The following GPHN variants were observed in gnomAD, a reference collection of about 807,000 sequenced individuals.
The protein encoded by GPHN is gephyrin.
GPHN carries 17 observed loss-of-function variants against 95.5 expected under a neutral mutation model. That is an observed-to-expected ratio of 0.18 (90% confidence interval 0.12 to 0.27). GPHN has a LOEUF of 0.27. GPHN is among the 10% of genes least tolerant of loss of function. The probability of loss-of-function intolerance (pLI) is 1.00; values close to 1 mark genes in which losing one functional copy is unlikely to be tolerated. For synonymous variants in GPHN, 320 were observed against 322.5 expected (o/e 0.99, Z 0.08); for missense variants, 660 against 978.1 (o/e 0.67, Z 4.34).
chr14:67,001,668 A>G (rs1160244868), intron 9 of GPHN, among the ~76,000 whole-genome samples: 3 of 151,740 alleles, frequency 2.0e-5, no homozygotes, highest in South Asian at 2.1e-4. Context: ...TCGGATACAT[A>G]AATGAACTTT....
chr14:67,732,718 G>A, the GPHN span, among the ~76,000 whole-genome samples: 2 of 151,800 alleles, frequency 1.3e-5, no homozygotes, highest in African/African-American at 4.8e-5. Flanking sequence ...CTGGGATTAC[G>A]GGTGCCCACC....
At chr14:67,254,147 T>G in the GPHN span, 1 of 150,946 alleles carries the variant, frequency 6.6e-6, no homozygotes, top group East Asian at 1.9e-4. Flanking sequence ...ATTTGTTTAC[T>G]TATCTGATAT....
chr14:67,122,838 C>T (rs117624645), intron 17 of GPHN, among the ~76,000 whole-genome samples: 1,828 of 152,206 alleles, frequency 0.012, 16 homozygotes, highest in Non-Finnish European at 0.018. Flanking sequence ...ACCTGTTTCT[C>T]CAGGCTTTAC....
intron 9 of GPHN, among the ~76,000 whole-genome samples, chr14:67,010,973 T>C (rs894825508): frequency 1.3e-5 from 2 of 152,214 alleles, no homozygotes; most frequent in African/African-American, 4.8e-5. Flanking sequence ...ATTTAGATGA[T>C]ATCAAATTCT....
chr14:66,577,184 A>G (rs1356558858), intron 1 of GPHN, among the ~76,000 whole-genome samples: 4 of 152,188 alleles, frequency 2.6e-5, no homozygotes, highest in Admixed American at 6.5e-5. Context: ...TTACTAGTCT[A>G]TAGACCACAC....
At position 66,529,845 on chromosome 14, in the gene GPHN, A is replaced by T. The variant is rs141523944; in HGVS notation, c.64+21254A>T. On this transcript the variant is annotated intron_variant, in intron 1 of 22. Transcript: ENST00000478722. ...ACCTGTTCCTTCCTCTGGAAGCTTC[A>T]TCCCAGAGGGGCACCTGCCAGATGC... 3.0e-3 allele frequency among the ~76,000 whole-genome samples: 456 copies of T among 152,198 alleles called. 3 individuals are homozygous for T. The highest frequency in any genetic ancestry group is 0.011 in the African/African-American group (438 of 41,546).
chr14:67,570,318 G>A, the GPHN span: 3 of 1,087,538 alleles, frequency 2.8e-6, no homozygotes, highest in Non-Finnish European at 3.4e-6. Flanking sequence ...GGGCAGTGGG[G>A]CTCCTTCTAG....
At chr14:67,303,697 C>A in the GPHN span, 1 of 751,288 alleles carries the variant, frequency 1.3e-6, no homozygotes, top group South Asian at 1.7e-5. Context: ...TTCCTGTACT[C>A]AAATAAATTC....
intron 4 of GPHN, 21 bp from the exon 5 acceptor site, chr14:66,879,917 GC>G (rs930210572): frequency 2.7e-6 from 4 of 1,483,354 alleles, no homozygotes; most frequent in African/African-American, 2.8e-5. Flanking sequence ...CACTCAGTCT[GC>G]TATTTAATCT....
At chr14:67,342,557 C>CTTTTTTTT in the GPHN span, among the ~76,000 whole-genome samples, 4 of 136,982 alleles carry the variant, frequency 2.9e-5, no homozygotes, top group East Asian at 4.2e-4. Context: ...ACGAATTATC[C>CTTTTTTTT]TTTTTTTTTT....
intron 8 of GPHN, among the ~76,000 whole-genome samples, chr14:66,962,408 G>C (rs377690486): frequency 6.6e-6 from 1 of 150,876 alleles, no homozygotes; most frequent in African/African-American, 2.4e-5. Flanking sequence ...TATGTTTACT[G>C]ATATTAACTG....
At chr14:67,133,906 C>T (rs2079879035) in intron 17 of GPHN, among the ~76,000 whole-genome samples, 4 of 152,090 alleles carry the variant, frequency 2.6e-5, no homozygotes, top group Admixed American at 2.0e-4. Context: ...GAAAAGATAC[C>T]GTTATTCATT....
chr14:67,536,447 C>T, the GPHN span, among the ~76,000 whole-genome samples: 1 of 151,884 alleles, frequency 6.6e-6, no homozygotes, highest in African/African-American at 2.4e-5. Context: ...TACTCACACT[C>T]AGGGAATGAA....
chr14:67,385,346 C>CT, the GPHN span: 2 of 151,178 alleles, frequency 1.3e-5, no homozygotes, highest in Non-Finnish European at 2.9e-5. Context: ...AACCCTGGCA[C>CT]TTAAGGGGCC....
rs977882542 is a variant in GPHN, at chr14:66,915,931, A to G, written c.390-72A>G. 6 of 846,846 alleles carry G rather than the reference A, an allele frequency of 7.1e-6. No individual in the cohort carries two copies. The African/African-American group carries it at 1.0e-4, about 14-fold the overall frequency. 52.5% of individuals were successfully genotyped at this position (846,846 alleles called of 1,614,324 possible). A position where few individuals can be genotyped will look rare whatever the true frequency, so the allele number is the denominator to read the frequency against. Reference sequence around the variant, plus strand: ...TCACATGTAAAGTAAAATGATTGTTATTTGTTCTTAATGTATTTAAACCGG... The same window carrying G: ...TCACATGTAAAGTAAAATGATTGTTGTTTGTTCTTAATGTATTTAAACCGG... On this transcript the variant is annotated intron_variant, in intron 5 of 22. Transcript: ENST00000478722.
At position 67,122,295 on chromosome 14, in the gene GPHN, C is replaced by T. The variant is rs1595241291; in HGVS notation, c.1666C>T (p.Arg556Ter). ...AGATGACCTCTTACCAGGGAAGATT[C>T]GAGACAGCAATCGTTCAACTCTTCT... is the stretch of plus-strand genomic sequence containing the variant. ...PEDDLLPGKI[R>*]DSNRSTLLAT... is the part of the protein sequence containing the mutation. The change falls in exon 17 of 23, where the codon CGA (arginine) becomes TGA (stop). Residue 556 changes from arginine (R) to a stop codon, truncating the protein, a stop_gained. Transcript: ENST00000478722. LOFTEE classifies it high-confidence loss of function. 2 of 1,612,990 alleles carry T rather than the reference C, an allele frequency of 1.2e-6. No homozygotes were observed. Among genetic ancestry groups the T allele is most frequent in the Non-Finnish European group, 1.7e-6 (2 of 1,179,118 alleles).
At position 66,874,820 on chromosome 14, in the gene GPHN, T is replaced by G. The variant is rs2063581694; in HGVS notation, c.295-5119T>G. 5.3e-5 allele frequency among the ~76,000 whole-genome samples: 8 copies of G among 152,192 alleles called. No homozygotes were observed. In the South Asian group the frequency reaches 1.7e-3, roughly 32 times the overall value. On this transcript the variant is annotated intron_variant, in intron 4 of 22. Coordinates refer to ENST00000478722, the MANE Select transcript of GPHN (RefSeq NM_020806.5). ...AAGTGACAGGGAGAACAGAACCAAG[T>G]TGGAAAACACTCTTCAGGGTATTAT...
the GPHN span, among the ~76,000 whole-genome samples, chr14:67,512,368 A>G: frequency 6.6e-6 from 1 of 152,268 alleles, no homozygotes; most frequent in Non-Finnish European, 1.5e-5. Context: ...GAAATTCCTC[A>G]GCTCAGAACA....
the GPHN span, chr14:67,691,287 G>T: frequency 7.1e-7 from 1 of 1,399,112 alleles, no homozygotes; most frequent in Non-Finnish European, 1.0e-6. Context: ...GCTAGCCAAG[G>T]CTATTACATC....
Sources: gnomAD v4.1 joint callset for allele counts (sites outside exome capture counted in the v4.1 genomes callset) on GRCh38, gnomAD v4.1.1 for gene constraint, MANE v1.5 for transcripts, NCBI Gene and HGNC (gene_info 2026-07-23, HGNC 2026-07-21) for gene names.